RALGPS1: variants seen among roughly 807,000 people sequenced by gnomAD.
The protein encoded by RALGPS1 is ras-specific guanine nucleotide-releasing factor RalGPS1.
A neutral mutation model predicts 78.8 loss-of-function variants in RALGPS1; 19 were observed. The ratio of observed to expected loss-of-function variants is 0.24; its 90% CI spans 0.17 to 0.35. The LOEUF (loss-of-function observed/expected upper bound fraction) is 0.35, where lower values mean the gene tolerates loss of function less well. RALGPS1 is among the 10% of genes least tolerant of loss of function. RALGPS1 has a pLI of 1.00. For synonymous variants in RALGPS1, 228 were observed against 256.3 expected (o/e 0.89, Z 1.06); for missense variants, 454 against 688.3 (o/e 0.66, Z 3.81).
At chr9:127,208,090 A>AT (rs1392151981) in intron 14 of RALGPS1, among the ~76,000 whole-genome samples, 1 of 152,116 alleles carries the variant, frequency 6.6e-6, no homozygotes, top group Non-Finnish European at 1.5e-5. Context: ...GTGTGAAAGC[A>AT]TGTAGTTGGC....
intron 11 of RALGPS1, among the ~76,000 whole-genome samples, chr9:127,187,333 A>G (rs943140453): frequency 6.6e-6 from 1 of 151,804 alleles, no homozygotes; most frequent in Non-Finnish European, 1.5e-5. Flanking sequence ...CTCCTTCCTC[A>G]TGTTCTGACC....
chr9:127,117,406 A>G (rs1007407283), intron 8 of RALGPS1, among the ~76,000 whole-genome samples: 2 of 152,244 alleles, frequency 1.3e-5, no homozygotes, highest in African/African-American at 4.8e-5. Flanking sequence ...CTTCATTTGT[A>G]TAATGTATTT....
chr9:126,932,824 T>G (rs1237376838), intron 1 of RALGPS1, among the ~76,000 whole-genome samples: 1 of 152,226 alleles, frequency 6.6e-6, no homozygotes, highest in Non-Finnish European at 1.5e-5. Context: ...AGAGGTGCTT[T>G]GCTTAATATT....
intron 8 of RALGPS1, among the ~76,000 whole-genome samples, chr9:127,099,131 CT>C (rs1402964411): frequency 1.3e-5 from 2 of 152,212 alleles, no homozygotes. Flanking sequence ...GGCCAGCAGC[CT>C]GACAGTCCTT....
intron 18 of RALGPS1, chr9:127,217,467 G>C: frequency 2.0e-6 from 2 of 984,512 alleles, no homozygotes; most frequent in Non-Finnish European, 2.4e-6. Flanking sequence ...GCAGTGACTA[G>C]AGTGATTTTC....
At chr9:127,071,691 C>T (rs2050217325) in intron 8 of RALGPS1, among the ~76,000 whole-genome samples, 1 of 152,024 alleles carries the variant, frequency 6.6e-6, no homozygotes, top group South Asian at 2.1e-4. Context: ...GTGTAATAGT[C>T]TCAGTGATAT....
In RALGPS1 at chr9:127,101,905, T is replaced by C. The variant is rs117265721; in HGVS notation, c.610+32549T>C. On this transcript the variant is annotated intron_variant, in intron 8 of 18. Transcript: ENST00000259351. ...TTCAAAAATATCAGGGAAAAGTAAC[T>C]TATTTTTTTTTAAACAAAGGATCAC... Among the ~76,000 whole-genome samples, 5 of 152,340 alleles carry C rather than the reference T, an allele frequency of 3.3e-5. No homozygotes were observed. In the East Asian group the frequency reaches 9.6e-4, roughly 29 times the overall value.
At chr9:127,062,605 C>T (rs2049321523) in intron 7 of RALGPS1, among the ~76,000 whole-genome samples, 1 of 152,040 alleles carries the variant, frequency 6.6e-6, no homozygotes, top group Non-Finnish European at 1.5e-5. Context: ...GTCAGTATTC[C>T]CATGGTGATA....
At chr9:127,021,768 AGTTT>A (rs2045478312) in intron 4 of RALGPS1, among the ~76,000 whole-genome samples, 1 of 151,976 alleles carries the variant, frequency 6.6e-6, no homozygotes, top group South Asian at 2.1e-4. Context: ...GCCTAGTCCC[AGTTT>A]GTTAATCTTG....
intron 8 of RALGPS1, among the ~76,000 whole-genome samples, chr9:127,160,650 G>A (rs1254610080): frequency 6.6e-6 from 1 of 152,152 alleles, no homozygotes; most frequent in East Asian, 1.9e-4. Context: ...CACAGCAGGG[G>A]TCCTCACACC....
At chr9:127,007,609 G>A (rs1349222000) in intron 4 of RALGPS1, among the ~76,000 whole-genome samples, 1 of 152,192 alleles carries the variant, frequency 6.6e-6, no homozygotes, top group Non-Finnish European at 1.5e-5. Context: ...TGGTAAAGGG[G>A]AGAAGGAGTT....
At chr9:127,120,771 T>C (rs954403339) in intron 8 of RALGPS1, among the ~76,000 whole-genome samples, 1 of 150,054 alleles carries the variant, frequency 6.7e-6, no homozygotes, top group Non-Finnish European at 1.5e-5. Context: ...GAGTTTGCAG[T>C]GAGCCGAGAT....
In RALGPS1 at chr9:127,157,972, G is replaced by A. The variant is rs140276585; in HGVS notation, c.611-8097G>A. On this transcript the variant is annotated intron_variant, in intron 8 of 18. Coordinates refer to ENST00000259351, the MANE Select transcript of RALGPS1 (RefSeq NM_014636.3). Reference sequence around the variant, plus strand: ...ATCCTTTATCACATCAAGGAAGTCTGTGCTTTATCAGGACACGCCAATGAG... The same window carrying A: ...ATCCTTTATCACATCAAGGAAGTCTATGCTTTATCAGGACACGCCAATGAG... 7.2e-3 allele frequency among the ~76,000 whole-genome samples: 1,097 copies of A among 152,174 alleles called. 9 individuals carry two copies. Among genetic ancestry groups the A allele is most frequent in the Non-Finnish European group, 0.011 (771 of 67,922 alleles).
chr9:127,119,398 ACAGT>A (rs918113735), intron 8 of RALGPS1, among the ~76,000 whole-genome samples: 2 of 152,204 alleles, frequency 1.3e-5, no homozygotes, highest in Non-Finnish European at 2.9e-5. Flanking sequence ...GGACCCAGTG[ACAGT>A]CAGGATAAGA....
intron 13 of RALGPS1, 148 bp downstream of exon 13, chr9:127,196,779 G>A: frequency 5.2e-6 from 5 of 969,866 alleles, no homozygotes; most frequent in Non-Finnish European, 7.4e-6. Context: ...AGAGGTGGCT[G>A]CCTGCAGGAA....
intron 1 of RALGPS1, among the ~76,000 whole-genome samples, chr9:126,926,772 A>C (rs1265681091): frequency 6.6e-6 from 1 of 152,008 alleles, no homozygotes. Context: ...CAGGAGTGGG[A>C]TGATGGGGTC....
chr9:127,057,036 CTG>C (rs1428210944), intron 7 of RALGPS1, among the ~76,000 whole-genome samples: 1 of 152,106 alleles, frequency 6.6e-6, no homozygotes, highest in Non-Finnish European at 1.5e-5. Context: ...GAGGAGGAAA[CTG>C]AGGTTTGAAG....
intron 8 of RALGPS1, among the ~76,000 whole-genome samples, chr9:127,098,778 A>G (rs1163341179): frequency 6.6e-6 from 1 of 152,148 alleles, no homozygotes; most frequent in African/African-American, 2.4e-5. Flanking sequence ...TACTCCCAAC[A>G]CAGGGCCTTT....
intron 4 of RALGPS1, among the ~76,000 whole-genome samples, chr9:127,007,307 T>C (rs891381717): frequency 3.9e-5 from 6 of 152,216 alleles, no homozygotes; most frequent in Non-Finnish European, 7.3e-5. Flanking sequence ...ACTCATTTGG[T>C]CAACAATTAG....
Sources: gnomAD v4.1 joint callset for allele counts (sites outside exome capture counted in the v4.1 genomes callset) on GRCh38, gnomAD v4.1.1 for gene constraint, MANE v1.5 for transcripts, NCBI Gene and HGNC (gene_info 2026-07-23, HGNC 2026-07-21) for gene names.